PASK: variants seen among roughly 807,000 people sequenced by gnomAD.
The protein encoded by PASK is PAS domain-containing serine/threonine-protein kinase.
PASK carries 110 observed loss-of-function variants against 121.0 expected under a neutral mutation model. That is an observed-to-expected ratio of 0.91 (90% confidence interval 0.78 to 1.06). The LOEUF is 1.06. PASK is among the 50% of genes least tolerant of loss of function. The probability of loss-of-function intolerance (pLI) is 0.00; values close to 1 mark genes in which losing one functional copy is unlikely to be tolerated. For synonymous variants in PASK, 686 were observed against 717.8 expected, an observed-to-expected ratio of 0.96 and a Z score of 0.71; for missense variants, 1,643 against 1,702.3, an observed-to-expected ratio of 0.97 and a Z score of 0.61.
chr2:241,125,067 G>A (rs761715769), intron 10 of PASK, among the ~76,000 whole-genome samples: 6 of 152,266 alleles, frequency 3.9e-5, no homozygotes, highest in Middle Eastern at 3.4e-3. Context: ...TTGGGAGGCC[G>A]AGGCAGGTGG....
intron 9 of PASK, among the ~76,000 whole-genome samples, chr2:241,128,861 CA>C (rs369488269): frequency 0.16 from 23,053 of 144,232 alleles, 2,167 homozygotes; most frequent in Middle Eastern, 0.3. Flanking sequence ...AAGACCATCT[CA>C]AAAAAAAAAA....
At position 241,135,895 on chromosome 2, in the gene PASK, G is replaced by A; in HGVS notation, c.1282C>T (p.Gln428Ter). The A allele has an allele frequency of 6.2e-7, 1 of 1,614,138 alleles. No homozygotes were observed. Among genetic ancestry groups the A allele is most frequent in the African/African-American group, 1.3e-5 (1 of 75,046 alleles). The change falls in exon 8 of 18, where the codon CAG becomes TAG. Residue 428 changes from glutamine to a stop codon, truncating the protein, a stop_gained. Transcript: ENST00000234040. LOFTEE classifies it high-confidence loss of function. ...CCCTGGCCCCCCTCAGCTGGGTCCT[G>A]GCCCTGCCACGGGTCCAAGGTTCTC... ...GERTLDPWQGQDPAEGGQDPR... is the reference protein window; with the variant it reads ...GERTLDPWQG
At chr2:241,121,694 A>C (rs560003569) in intron 12 of PASK, among the ~76,000 whole-genome samples, 3 of 152,380 alleles carry the variant, frequency 2.0e-5, no homozygotes, top group African/African-American at 7.2e-5. Context: ...ATGTGAACAC[A>C]AATCAAATGA....
At chr2:241,109,523 G>A (rs955832551) in intron 15 of PASK, 8 of 144,152 alleles carry the variant, frequency 5.5e-5, no homozygotes, top group African/African-American at 1.3e-4. Flanking sequence ...GGCTGGACTC[G>A]GAGAAGAGGG....
chr2:241,128,062 T>C (rs2065959951), intron 9 of PASK, among the ~76,000 whole-genome samples: 1 of 151,796 alleles, frequency 6.6e-6, no homozygotes, highest in South Asian at 2.1e-4. Context: ...GGCAGATCAC[T>C]TGAGGTCAGG....
chr2:241,149,652 C>T (rs576132649), upstream of PASK: 362 of 1,541,740 alleles, frequency 2.3e-4, 1 homozygote, highest in East Asian at 4.5e-3. Context: ...GAATAATGGG[C>T]GCCTCCGCCC....
In PASK at chr2:241,135,933, C is replaced by G; in HGVS notation, c.1244G>C (p.Ser415Thr). 1 of 1,614,260 alleles carries G rather than the reference C, an allele frequency of 6.2e-7. No homozygotes were observed. Among genetic ancestry groups the G allele is most frequent in the Non-Finnish European group, 8.5e-7 (1 of 1,180,044 alleles). The change falls in exon 8 of 18, where the codon AGT becomes ACT. Residue 415 changes from serine (S) to threonine (T), a missense_variant. Ser to Thr is a moderately conservative substitution (Grantham distance 58, BLOSUM62 1). This residue lies in a region of PASK where 1,176 missense variants were observed against 1,162.2 expected (regional missense o/e 1.01). Transcript: ENST00000234040. ...GTCCAAGGTTCTCTCCCCACACCCA[C>G]TCTCATTGCCGACGTCCAGGCAGCT... The part of the protein sequence containing the change: ...LASCLDVGNE[S>T]GCGERTLDPW...
intron 12 of PASK, among the ~76,000 whole-genome samples, chr2:241,115,660 C>A (rs756523538): frequency 6.7e-6 from 1 of 148,920 alleles, no homozygotes; most frequent in Middle Eastern, 3.8e-3. Context: ...GACACCCGGT[C>A]CTCAAGCATC....
chr2:241,138,104 G>A lies in PASK; in HGVS notation c.742-17C>T, dbSNP rs754949501. The A allele has an allele frequency of 2.4e-5, 39 of 1,613,270 alleles. No homozygotes were observed. The highest frequency in any genetic ancestry group is 2.0e-4 in the African/African-American group (15 of 74,940). ...GACGGTGCCCTGGAGGAAAAGCCCCGTGCTTATCATAAAAGCTTCTTGTGC... is the reference window on the plus strand; with the variant it reads ...GACGGTGCCCTGGAGGAAAAGCCCCATGCTTATCATAAAAGCTTCTTGTGC... On this transcript the variant is annotated splice_polypyrimidine_tract_variant and intron_variant, in intron 5 of 17. Transcript: ENST00000234040.
chr2:241,124,382 A>C (rs1424151327), intron 10 of PASK, among the ~76,000 whole-genome samples: 1 of 152,200 alleles, frequency 6.6e-6, no homozygotes, highest in Non-Finnish European at 1.5e-5. Flanking sequence ...GGCCTGCAAC[A>C]ACCACACCTC....
intron 10 of PASK, 40 bp from the exon 11 acceptor site, chr2:241,124,173 A>T (rs1317007092): frequency 6.5e-7 from 1 of 1,535,292 alleles, no homozygotes; most frequent in Non-Finnish European, 9.0e-7. Flanking sequence ...GCCTGTGCTG[A>T]CCTGGCTAGA....
chr2:241,124,363 T>C (rs921430143), intron 10 of PASK, among the ~76,000 whole-genome samples: 1 of 152,160 alleles, frequency 6.6e-6, no homozygotes, highest in Non-Finnish European at 1.5e-5. Flanking sequence ...CCCTGGGGCA[T>C]AGCCTGCAGG....
chr2:241,112,168 C>T lies in PASK; in HGVS notation c.3533+72G>A. 1 of 1,190,106 alleles carries T rather than the reference C, an allele frequency of 8.4e-7. No individual in the cohort carries two copies. Among genetic ancestry groups the T allele is most frequent in the South Asian group, 1.2e-5 (1 of 82,102 alleles). 73.7% of individuals were successfully genotyped at this position (1,190,106 alleles called of 1,614,324 possible). A position where few individuals can be genotyped will look rare whatever the true frequency, so the allele number is the denominator to read the frequency against. ...AGGCACAAAGGAAGCCATTTTCCCACCCAAAATCAAGCCACCCTCAGGGTC... is the reference window on the plus strand; with the variant it reads ...AGGCACAAAGGAAGCCATTTTCCCATCCAAAATCAAGCCACCCTCAGGGTC... On this transcript the variant is annotated intron_variant, in intron 15 of 17. Transcript: ENST00000234040. This position sits in a 1 kb window ranked among gnomAD's most constrained non-coding sequence, Gnocchi z 5.2.
At chr2:241,138,830 G>A (rs763791385) in intron 4 of PASK, 36 bp from the exon 5 acceptor site, 1 of 1,611,438 alleles carries the variant, frequency 6.2e-7, no homozygotes, top group Non-Finnish European at 8.5e-7. Context: ...TGCATGCCAT[G>A]AACCCAAAAG....
At position 241,126,356 on chromosome 2, in the gene PASK, A is replaced by G. The variant is rs1394885954; in HGVS notation, c.2559T>C (p.Ala853=). The G allele has an allele frequency of 1.2e-6, 2 of 1,614,128 alleles. No homozygotes were observed. Among genetic ancestry groups the G allele is most frequent in the African/African-American group, 2.7e-5 (2 of 74,952 alleles). The stretch of plus-strand genomic sequence containing the variant: ...CTGATGGGCACGTGTCCTCAGGGCC[A>G]GCATCCAACGTGGAAGGAACGTGTC... ...SPGHVPSTLD[A]GPEDTCPSAE... Residue 853 remains alanine, a synonymous_variant, in exon 10 of 18, where the codon GCT becomes GCC. Transcript: ENST00000234040.
chr2:241,142,812 G>C (rs760915049), intron 2 of PASK, 25 bp downstream of exon 2: 2 of 1,536,202 alleles, frequency 1.3e-6, no homozygotes, highest in South Asian at 1.1e-5. Flanking sequence ...ACGCGCTAAG[G>C]CCTGCAGTGG....
At position 241,132,941 on chromosome 2, in the gene PASK, CGGT is replaced by C. The variant is rs2066233469; in HGVS notation, c.1393_1395del (p.Thr465del). 30 of 1,614,012 alleles carry C rather than the reference CGGT, an allele frequency of 1.9e-5. No individual in the cohort carries two copies. Among genetic ancestry groups the C allele is most frequent in the Non-Finnish European group, 2.5e-5 (30 of 1,179,874 alleles). ...CCAGCAATCAGCTCAGTCTGAGTCCCGGTGAAGATGTCTTGGCTTTCCATCAGC... is the reference window on the plus strand; with the variant it reads ...CCAGCAATCAGCTCAGTCTGAGTCCCGAAGATGTCTTGGCTTTCCATCAGC... On this transcript the variant is annotated inframe_deletion, in exon 9 of 18. Transcript: ENST00000234040.
intron 1 of PASK, among the ~76,000 whole-genome samples, chr2:241,147,077 G>A (rs2066990818): frequency 6.6e-6 from 1 of 152,226 alleles, no homozygotes; most frequent in African/African-American, 2.4e-5. Context: ...TTTAGTTACA[G>A]GTTTACATCT....
At position 241,132,931 on chromosome 2, in the gene PASK, G is replaced by A; in HGVS notation, c.1406C>T (p.Thr469Ile). The A allele has an allele frequency of 3.7e-6, 6 of 1,614,066 alleles. No individual in the cohort carries two copies. The highest frequency in any genetic ancestry group is 2.2e-5 in the East Asian group (1 of 44,888). ...ESQDIFTGTQTELIAGGQLLS... is the reference protein window; with the variant it reads ...ESQDIFTGTQIELIAGGQLLS... ...GAGCTGGCCTCCAGCAATCAGCTCA[G>A]TCTGAGTCCCGGTGAAGATGTCTTG... Residue 469 changes from threonine (T) to isoleucine (I), a missense_variant, in exon 9 of 18, where the codon ACT becomes ATT. By Grantham distance (89) the Thr-to-Ile change is moderately conservative (BLOSUM62 -1). Transcript: ENST00000234040.
Sources: gnomAD v4.1 joint callset for allele counts (sites outside exome capture counted in the v4.1 genomes callset) on GRCh38, gnomAD v4.1.1 for gene constraint, gnomAD v4.1.1 regional missense constraint, Gnocchi (gnomAD v3.1) non-coding constraint, MANE v1.5 for transcripts, NCBI Gene and HGNC (gene_info 2026-07-23, HGNC 2026-07-21) for gene names.